The following MAP2K5 variants were observed in gnomAD, a reference collection of about 807,000 sequenced individuals.
MAP2K5 encodes dual specificity mitogen-activated protein kinase kinase 5.
In MAP2K5, 49 loss-of-function variants were observed where a neutral mutation model predicts 83.1. The observed-to-expected ratio is 0.59, with a 90% CI of 0.47 to 0.75. The LOEUF is 0.75. Among genes scored for constraint, MAP2K5 ranks in the 30% least tolerant of loss-of-function variants. The pLI is 0.00. For synonymous variants in MAP2K5, 202 were observed against 191.8 expected (o/e 1.05, Z -0.44); for missense variants, 457 against 557.5 (o/e 0.82, Z 1.82).
intron 8 of MAP2K5, chr15:67,628,936 G>A (rs1442087441): frequency 2.6e-6 from 2 of 758,062 alleles, no homozygotes; most frequent in African/African-American, 3.4e-5. Context: ...AGCAATTTTG[G>A]AGGTGGTGGA....
intron 16 of MAP2K5, among the ~76,000 whole-genome samples, chr15:67,703,795 G>A (rs1329543874): frequency 6.6e-6 from 1 of 152,138 alleles, no homozygotes; most frequent in African/African-American, 2.4e-5. Flanking sequence ...AAAATTCTGT[G>A]CCCTGTTGGA....
Position 67,782,852 on chromosome 15 carries a change from C to T in MAP2K5, c.1242+10100C>T, listed in dbSNP as rs1027471351. Among the ~76,000 whole-genome samples, 4 of 152,228 alleles carry T rather than the reference C, an allele frequency of 2.6e-5. No homozygotes were observed. The highest frequency in any genetic ancestry group is 5.9e-5 in the Non-Finnish European group (4 of 68,042). ...TCTCCAAAACAAGCTTTCCTCCCGT[C>T]AGGGAGGTCAGCAGAGCTTCGGCTG... On this transcript the variant is annotated intron_variant, in intron 21 of 21. Coordinates refer to ENST00000178640, the MANE Select transcript of MAP2K5 (RefSeq NM_145160.3). This position sits in a 1 kb window ranked among gnomAD's most constrained non-coding sequence, Gnocchi z 4.9.
intron 2 of MAP2K5, among the ~76,000 whole-genome samples, chr15:67,553,838 G>A (rs539722735): frequency 3.4e-5 from 5 of 149,132 alleles, no homozygotes; most frequent in Admixed American, 6.7e-5. Context: ...GCGTGAACCC[G>A]GGAAGCGGAG....
chr15:67,731,031 G>A lies in MAP2K5; in HGVS notation c.1074+3086G>A, dbSNP rs543351654. ...GAGACTATGGATATGAAACCACTCT[G>A]AAAAGTACAAAGGGCCACCCATCTG... is the stretch of plus-strand genomic sequence containing the variant. On this transcript the variant is annotated intron_variant, in intron 17 of 21. Coordinates refer to ENST00000178640, the MANE Select transcript of MAP2K5 (RefSeq NM_145160.3). 6.0e-4 allele frequency among the ~76,000 whole-genome samples: 92 copies of A among 152,308 alleles called. 1 individual carries two copies. The South Asian group carries it at 0.018, about 31-fold the overall frequency.
intron 21 of MAP2K5, among the ~76,000 whole-genome samples, chr15:67,776,911 G>A (rs2090250203): frequency 6.6e-6 from 1 of 152,158 alleles, no homozygotes; most frequent in Non-Finnish European, 1.5e-5. Flanking sequence ...AAACCGAGGG[G>A]GCAGCCCTTG....
In MAP2K5 at chr15:67,706,876, G is replaced by T. The variant is rs188592662; in HGVS notation, c.1044+3468G>T. Among the ~76,000 whole-genome samples the T allele has an allele frequency of 5.3e-4, 81 of 152,258 alleles. No homozygotes were observed. The East Asian group carries it at 0.012, about 23-fold the overall frequency. On this transcript the variant is annotated intron_variant, in intron 16 of 21. Transcript: ENST00000178640. Reference sequence around the variant, plus strand: ...GTTATGAGTCCATACATGAGAAATTGTGGGGATTCAGTAGTGAAGGTTACA... The same window carrying T: ...GTTATGAGTCCATACATGAGAAATTTTGGGGATTCAGTAGTGAAGGTTACA...
At chr15:67,753,456 A>G (rs1027607276) in intron 19 of MAP2K5, among the ~76,000 whole-genome samples, 1 of 152,218 alleles carries the variant, frequency 6.6e-6, no homozygotes, top group Non-Finnish European at 1.5e-5. Context: ...AAGTCCTGGT[A>G]TTCAGAATAT....
At chr15:67,613,594 G>A (rs1482248192) in intron 8 of MAP2K5, among the ~76,000 whole-genome samples, 1 of 152,064 alleles carries the variant, frequency 6.6e-6, no homozygotes, top group Non-Finnish European at 1.5e-5. Context: ...TTTTTATTCT[G>A]TTTTGAGGTC....
chr15:67,669,619 A>T (rs1279842385), intron 13 of MAP2K5, among the ~76,000 whole-genome samples: 1 of 152,164 alleles, frequency 6.6e-6, no homozygotes, highest in Non-Finnish European at 1.5e-5. Context: ...GGAGATAGTT[A>T]TAAAGATGGG....
chr15:67,567,355 GT>G (rs1270904901), intron 3 of MAP2K5, among the ~76,000 whole-genome samples: 168 of 135,042 alleles, frequency 1.2e-3, no homozygotes, highest in East Asian at 4.0e-3. Flanking sequence ...CCTCCATAAA[GT>G]TTTTTTTTTT....
chr15:67,806,847 G>C lies in MAP2K5; in HGVS notation c.*97G>C, dbSNP rs766637903. The C allele has an allele frequency of 1.3e-6, 2 of 1,596,788 alleles. No homozygotes were observed. Among genetic ancestry groups the C allele is most frequent in the Admixed American group, 1.7e-5 (1 of 59,926 alleles). ...ATGCTGCCTGCGCCAGAAGAGCTTTGCTGGGCCCTGGCTTCCCTGCCCTCG... is the reference window on the plus strand; with the variant it reads ...ATGCTGCCTGCGCCAGAAGAGCTTTCCTGGGCCCTGGCTTCCCTGCCCTCG... On this transcript the variant is annotated 3_prime_UTR_variant, in exon 22 of 22. Transcript: ENST00000178640.
At chr15:67,691,041 T>C (rs2088100854) in intron 13 of MAP2K5, among the ~76,000 whole-genome samples, 1 of 152,224 alleles carries the variant, frequency 6.6e-6, no homozygotes, top group Non-Finnish European at 1.5e-5. Flanking sequence ...ATAGAGGTTA[T>C]AGTGTGTGGT....
At chr15:67,551,309 A>G (rs892470939) in intron 2 of MAP2K5, among the ~76,000 whole-genome samples, 1 of 152,162 alleles carries the variant, frequency 6.6e-6, no homozygotes, top group Non-Finnish European at 1.5e-5. Context: ...CCCATCAAAC[A>G]AAGTGTTCAT....
At chr15:67,739,028 C>G (rs1483132565) in intron 17 of MAP2K5, among the ~76,000 whole-genome samples, 1 of 152,072 alleles carries the variant, frequency 6.6e-6, no homozygotes, top group Non-Finnish European at 1.5e-5. Context: ...ACCTGTAATC[C>G]TAGCACTTTG....
chr15:67,592,118 C>CAAAAAAAAAAAAAAAAAAA lies in MAP2K5; in HGVS notation c.432-791_432-790insAAAAAAAAAAAAAAAAAAA, dbSNP rs71142384. Among the ~76,000 whole-genome samples the CAAAAAAAAAAAAAAAAAAA allele has an allele frequency of 3.4e-5, 4 of 117,994 alleles. 2 individuals carry two copies. Among genetic ancestry groups the CAAAAAAAAAAAAAAAAAAA allele is most frequent in the Non-Finnish European group, 3.4e-5 (2 of 59,054 alleles). The allele number at this position is 117,994 out of a possible 152,430, so 77.4% of individuals were successfully genotyped here. A position where few individuals can be genotyped will look rare whatever the true frequency, so the allele number is the denominator to read the frequency against. Reference sequence around the variant, plus strand: ...GGGCAACAAGAGTGAAACTATGTCTCAAAAAAAAAAAAAAAAAGGACTTTC... The same window carrying CAAAAAAAAAAAAAAAAAAA: ...GGGCAACAAGAGTGAAACTATGTCTCAAAAAAAAAAAAAAAAAAAAAAAAAAAAAAAAAAAAGGACTTTC... On this transcript the variant is annotated intron_variant, in intron 6 of 21. Transcript: ENST00000178640.
chr15:67,748,523 A>G lies in MAP2K5; in HGVS notation c.1102-46A>G, dbSNP rs2089653551. ...TTTCTTTCCACTCCACTGTAAAGAT[A>G]TTGCATAGAGGCTAATACTTTTTCC... On this transcript the variant is annotated intron_variant, in intron 18 of 21. Transcript: ENST00000178640. The surrounding 1 kb of genome is among the most constrained non-coding windows in gnomAD (Gnocchi z 4.0). 3 of 1,573,926 alleles carry G rather than the reference A, an allele frequency of 1.9e-6. No homozygotes were observed. Among genetic ancestry groups the G allele is most frequent in the East Asian group, 4.5e-5 (2 of 44,674 alleles).
chr15:67,543,014 C>G lies in MAP2K5; in HGVS notation c.-322C>G. ...CCTTGCCCTGCTGCCTCCTCATACC[C>G]ACACGGCGGCAGAGACCTTCACCAT... On this transcript the variant is annotated 5_prime_UTR_variant, in exon 1 of 22. Coordinates refer to ENST00000178640, the MANE Select transcript of MAP2K5 (RefSeq NM_145160.3). This position sits in a 1 kb window ranked among gnomAD's most constrained non-coding sequence, Gnocchi z 4.3. 1 of 369,756 alleles carries G rather than the reference C, an allele frequency of 2.7e-6. No individual in the cohort carries two copies. Among genetic ancestry groups the G allele is most frequent in the South Asian group, 3.1e-5 (1 of 32,010 alleles). 22.9% of individuals were successfully genotyped at this position (369,756 alleles called of 1,614,324 possible). A position where few individuals can be genotyped will look rare whatever the true frequency, so the allele number is the denominator to read the frequency against.
intron 11 of MAP2K5, among the ~76,000 whole-genome samples, chr15:67,649,243 T>G (rs2086900378): frequency 1.3e-5 from 2 of 152,332 alleles, no homozygotes; most frequent in South Asian, 2.1e-4. Flanking sequence ...GTTATTGGGC[T>G]TTTATTGTTG....
chr15:67,586,695 C>A (rs2085298898), intron 5 of MAP2K5, 151 bp from the exon 6 acceptor site: 1 of 724,186 alleles, frequency 1.4e-6, no homozygotes, highest in Non-Finnish European at 2.5e-6. Flanking sequence ...GTTTTGTAAC[C>A]TATATACTGA....
Sources: allele counts gnomAD v4.1 joint callset (sites outside exome capture counted in the v4.1 genomes callset), GRCh38; gene constraint gnomAD v4.1.1; non-coding constraint Gnocchi (gnomAD v3.1); transcripts MANE v1.5; gene names NCBI Gene and HGNC (gene_info 2026-07-23, HGNC 2026-07-21).